The following DPYD variants were observed in gnomAD, a reference collection of about 807,000 sequenced individuals.
The protein encoded by DPYD is dihydropyrimidine dehydrogenase, also known as dihydropyrimidine dehydrogenase [NADP(+)].
In DPYD, 109 loss-of-function variants were observed where a neutral mutation model predicts 116.2. That is an observed-to-expected ratio of 0.94 (90% CI 0.80 to 1.10). The LOEUF is 1.10. Ranked by LOEUF, DPYD falls within the 50% of genes least tolerant of loss-of-function variation. The pLI is 0.00. For missense variants in DPYD, 1,302 were observed against 1,254.5 expected (o/e 1.04, Z -0.57); for synonymous variants, 440 against 432.0 (o/e 1.02, Z -0.23).
chr1:97,874,285 C>T (rs1344725925), intron 2 of DPYD, among the ~76,000 whole-genome samples: 1 of 151,892 alleles, frequency 6.6e-6, no homozygotes. Context: ...GAAACTGAAT[C>T]ATATAATCTA....
chr1:97,845,433 A>C (rs890887789), intron 2 of DPYD, among the ~76,000 whole-genome samples: 3 of 152,282 alleles, frequency 2.0e-5, no homozygotes, highest in African/African-American at 4.8e-5. Flanking sequence ...TACAGAAAGA[A>C]GCTACCCACT....
At chr1:97,362,297 A>G (rs1288233757) in intron 16 of DPYD, among the ~76,000 whole-genome samples, 1 of 152,230 alleles carries the variant, frequency 6.6e-6, no homozygotes, top group African/African-American at 2.4e-5. Flanking sequence ...TCAATGAAAT[A>G]AAAGAGGACA....
intron 20 of DPYD, among the ~76,000 whole-genome samples, chr1:97,164,119 A>G (rs1656127978): frequency 6.6e-6 from 1 of 152,182 alleles, no homozygotes; most frequent in Non-Finnish European, 1.5e-5. Flanking sequence ...AGGTTGTTTC[A>G]ACATATGTAA....
intron 12 of DPYD, among the ~76,000 whole-genome samples, chr1:97,529,413 T>TC (rs1198913995): frequency 6.6e-6 from 1 of 152,236 alleles, no homozygotes; most frequent in Admixed American, 6.5e-5. Flanking sequence ...AAAAACGGCT[T>TC]CACTAAACAT....
At chr1:97,787,560 G>T (rs1200410502) in intron 3 of DPYD, among the ~76,000 whole-genome samples, 1 of 152,058 alleles carries the variant, frequency 6.6e-6, no homozygotes, top group Non-Finnish European at 1.5e-5. Context: ...ATAATTCTTG[G>T]CAAAGACTGC....
At chr1:97,238,852 C>T (rs545244951) in intron 18 of DPYD, among the ~76,000 whole-genome samples, 1 of 152,258 alleles carries the variant, frequency 6.6e-6, no homozygotes, top group South Asian at 2.1e-4. Flanking sequence ...ATTAAGCCCT[C>T]ATCTACATGG....
intron 3 of DPYD, among the ~76,000 whole-genome samples, chr1:97,810,657 T>A (rs1214186598): frequency 6.6e-6 from 1 of 152,004 alleles, no homozygotes; most frequent in East Asian, 1.9e-4. Context: ...CTCATATCCA[T>A]CTCTTACCAA....
chr1:97,423,476 C>T (rs534879324), intron 14 of DPYD, among the ~76,000 whole-genome samples: 2 of 152,210 alleles, frequency 1.3e-5, no homozygotes, highest in African/African-American at 2.4e-5. Flanking sequence ...TGCTTCCCTC[C>T]TGCTGGGGAG....
At chr1:97,361,182 C>T (rs1177076735) in intron 16 of DPYD, among the ~76,000 whole-genome samples, 1 of 151,956 alleles carries the variant, frequency 6.6e-6, no homozygotes, top group African/African-American at 2.4e-5. Flanking sequence ...AACGTCTCTA[C>T]CAAGTAAACT....
Position 97,450,042 on chromosome 1 carries a change from T to C in DPYD, c.1905+17A>G, listed in dbSNP as rs369990607. ...CTTATGCCAATTCTCTTGTTTTAGA[T>C]GTTAAATCACACTTACGTTGTCTGG... is the stretch of plus-strand genomic sequence containing the variant. On this transcript the variant is annotated intron_variant, in intron 14 of 22. Coordinates refer to ENST00000370192, the MANE Select transcript of DPYD (RefSeq NM_000110.4). 4.4e-4 allele frequency: 716 copies of C among 1,613,748 alleles called. No homozygotes were observed. The highest frequency in any genetic ancestry group is 1.7e-3 in the Middle Eastern group (10 of 6,056).
At chr1:97,653,827 C>A (rs1363199032) in intron 8 of DPYD, among the ~76,000 whole-genome samples, 3 of 152,084 alleles carry the variant, frequency 2.0e-5, no homozygotes, top group African/African-American at 7.2e-5. Context: ...GACACACATA[C>A]ATAAACACAC....
intron 2 of DPYD, among the ~76,000 whole-genome samples, chr1:97,830,869 A>T (rs11802430): frequency 6.6e-6 from 1 of 152,160 alleles, no homozygotes; most frequent in South Asian, 2.1e-4. Flanking sequence ...TACCTTCACT[A>T]TAATGAGTAG....
chr1:97,633,369 C>G (rs897573977), intron 8 of DPYD, among the ~76,000 whole-genome samples: 1 of 152,006 alleles, frequency 6.6e-6, no homozygotes, highest in East Asian at 1.9e-4. Flanking sequence ...TCCCTGAAAG[C>G]CTGGGCCTAG....
chr1:97,790,552 T>C (rs1178814659), intron 3 of DPYD, among the ~76,000 whole-genome samples: 2 of 152,202 alleles, frequency 1.3e-5, no homozygotes, highest in African/African-American at 4.8e-5. Context: ...TTTCTGACAT[T>C]TGTCTCAGAA....
At chr1:97,663,109 T>G (rs553765127) in intron 8 of DPYD, among the ~76,000 whole-genome samples, 2 of 152,212 alleles carry the variant, frequency 1.3e-5, no homozygotes, top group Non-Finnish European at 2.9e-5. Flanking sequence ...AGCGAGGAGA[T>G]ACTGCCACTA....
intron 11 of DPYD, among the ~76,000 whole-genome samples, chr1:97,560,919 C>T (rs1652099227): frequency 2.6e-5 from 4 of 151,950 alleles, no homozygotes; most frequent in Admixed American, 6.6e-5. Context: ...TTCCAAGAAG[C>T]GGGAACAGTG....
At chr1:97,279,666 T>C (rs900303087) in intron 18 of DPYD, among the ~76,000 whole-genome samples, 2 of 152,132 alleles carry the variant, frequency 1.3e-5, no homozygotes, top group Admixed American at 6.5e-5. Flanking sequence ...TGCATGACCA[T>C]GCCTGGCTAA....
At chr1:97,866,905 G>A (rs1671410002) in intron 2 of DPYD, among the ~76,000 whole-genome samples, 1 of 151,880 alleles carries the variant, frequency 6.6e-6, no homozygotes, top group Non-Finnish European at 1.5e-5. Context: ...AGAAGACAGT[G>A]ACTAGGAGCC....
At chr1:97,760,113 C>T (rs918575867) in intron 3 of DPYD, among the ~76,000 whole-genome samples, 2 of 152,006 alleles carry the variant, frequency 1.3e-5, no homozygotes, top group South Asian at 2.1e-4. Context: ...TATAGAAGTA[C>T]GTAAAGCACT....
Sources: allele counts gnomAD v4.1 joint callset (sites outside exome capture counted in the v4.1 genomes callset), GRCh38; gene constraint gnomAD v4.1.1; transcripts MANE v1.5; gene names NCBI Gene and HGNC (gene_info 2026-07-23, HGNC 2026-07-21).